Variants in ALG9 observed in about 807,000 individuals in gnomAD.
ALG9 encodes the protein alpha-1,2-mannosyltransferase ALG9.
A neutral mutation model predicts 81.8 loss-of-function variants in ALG9; 55 were observed. The observed-to-expected ratio is 0.67, with a 90% confidence interval of 0.54 to 0.84. The LOEUF is 0.84. Ranked by LOEUF, ALG9 falls within the 40% of genes least tolerant of loss-of-function variation. ALG9 has a pLI of 0.00. For missense variants in ALG9, 629 were observed against 745.0 expected, an observed-to-expected ratio of 0.84 and a Z score of 1.81; for synonymous variants, 278 against 274.3, an observed-to-expected ratio of 1.01 and a Z score of -0.13.
intron 14 of ALG9, among the ~76,000 whole-genome samples, chr11:111,804,521 T>A (rs919954051): frequency 6.6e-6 from 1 of 151,908 alleles, no homozygotes; most frequent in Non-Finnish European, 1.5e-5. Context: ...AGCCCAGGAG[T>A]TAGAGGTTAC....
intron 14 of ALG9, among the ~76,000 whole-genome samples, chr11:111,796,479 C>A (rs921494376): frequency 2.0e-5 from 3 of 152,114 alleles, no homozygotes; most frequent in Non-Finnish European, 4.4e-5. Context: ...GAACTCATTT[C>A]ACAACAATGG....
intron 4 of ALG9, among the ~76,000 whole-genome samples, 152 bp from the exon 5 acceptor site, chr11:111,860,787 A>C (rs1302758640): frequency 2.0e-5 from 3 of 152,250 alleles, no homozygotes; most frequent in African/African-American, 7.2e-5. Flanking sequence ...ACTGTGCATA[A>C]GAAACCCAAA....
chr11:111,868,601 C>A lies in ALG9; in HGVS notation c.405+1G>T. On this transcript the variant is annotated splice_donor_variant, in intron 3 of 14. Coordinates refer to ENST00000616540, the MANE Select transcript of ALG9 (RefSeq NM_024740.2). LOFTEE classifies it high-confidence loss of function. ...TTGCTTCCAGGTTGGTCTGCCCTTA[C>A]CTTATTAGTTTGTAGAATTCTTGCA... 6.2e-7 allele frequency: 1 copy of A among 1,613,868 alleles called. No homozygotes were observed. Among genetic ancestry groups the A allele is most frequent in the South Asian group, 1.1e-5 (1 of 91,070 alleles).
At position 111,857,625 on chromosome 11, in the gene ALG9, G is replaced by C. The variant is rs1555144303; in HGVS notation, c.678C>G (p.Gly226=). Reference sequence around the variant, plus strand: ...ACCCAAGAGCTGCACTGAATGGCCAGCCTAAGATAGCCCCAGCTGCTACTC... The same window carrying C: ...ACCCAAGAGCTGCACTGAATGGCCACCCTAAGATAGCCCCAGCTGCTACTC... The part of the protein sequence containing the change: ...VLGVAAGAIL[G]WPFSAALGLP... Residue 226 remains glycine, a synonymous_variant, in exon 6 of 15, where the codon GGC becomes GGG. Transcript: ENST00000616540. The C allele has an allele frequency of 6.2e-7, 1 of 1,614,164 alleles. No homozygotes were observed. Among genetic ancestry groups the C allele is most frequent in the Admixed American group, 1.7e-5 (1 of 60,028 alleles).
chr11:111,775,818 A>G, the ALG9 span, among the ~76,000 whole-genome samples: 938 of 152,326 alleles, frequency 6.2e-3, 16 homozygotes, highest in Non-Finnish European at 4.7e-3. Context: ...TCATCCAAAA[A>G]AGACTGTAGA....
downstream of ALG9, among the ~76,000 whole-genome samples, chr11:111,780,683 C>T (rs1420044291): frequency 1.3e-5 from 2 of 152,290 alleles, no homozygotes; most frequent in African/African-American, 2.4e-5. Flanking sequence ...AAGCATGAGC[C>T]ACCATGTCCG....
At chr11:111,867,846 T>C (rs1962997235) in intron 3 of ALG9, among the ~76,000 whole-genome samples, 1 of 152,208 alleles carries the variant, frequency 6.6e-6, no homozygotes. Flanking sequence ...TTGATACTAC[T>C]TCCCACTAAC....
At chr11:111,865,446 G>A (rs1555152010) in intron 3 of ALG9, among the ~76,000 whole-genome samples, 195 bp from the exon 4 acceptor site, 1 of 152,172 alleles carries the variant, frequency 6.6e-6, no homozygotes, top group African/African-American at 2.4e-5. Flanking sequence ...CAGCTGGTGG[G>A]GGTTGGGAGG....
intron 13 of ALG9, among the ~76,000 whole-genome samples, chr11:111,830,709 C>CA (rs1355534283): frequency 1.3e-5 from 2 of 151,516 alleles, no homozygotes; most frequent in Admixed American, 1.3e-4. Context: ...TAAGGACTTC[C>CA]AAAAAGGGCA....
intron 14 of ALG9, among the ~76,000 whole-genome samples, chr11:111,808,210 A>C (rs1239558501): frequency 7.9e-5 from 12 of 152,156 alleles, no homozygotes; most frequent in Admixed American, 7.9e-4. Flanking sequence ...GTGGCTCAAG[A>C]GCCTACATTT....
In ALG9 at chr11:111,844,671, T is replaced by C; in HGVS notation, c.948A>G (p.Val316=). The C allele has an allele frequency of 6.2e-7, 1 of 1,614,042 alleles. No homozygotes were observed. Among genetic ancestry groups the C allele is most frequent in the Non-Finnish European group, 8.5e-7 (1 of 1,179,920 alleles). Residue 316 remains valine, a synonymous_variant, in exon 9 of 15, where the codon GTA becomes GTG. Coordinates refer to ENST00000616540, the MANE Select transcript of ALG9 (RefSeq NM_024740.2). Reference sequence around the variant, plus strand: ...GGACTAGGAGAGCCAAAGCAAAGGCTACATTGAAATTCAGAAATCCATTAA... The same window carrying C: ...GGACTAGGAGAGCCAAAGCAAAGGCCACATTGAAATTCAGAAATCCATTAA... The part of the protein sequence containing the change: ...YLINGFLNFN[V]AFALALLVLP...
At chr11:111,828,155 C>T (rs1183428891) in intron 13 of ALG9, among the ~76,000 whole-genome samples, 9 of 152,154 alleles carry the variant, frequency 5.9e-5, no homozygotes, top group South Asian at 2.1e-4. Flanking sequence ...GATTGCGCCA[C>T]TGCACTCCAG....
At chr11:111,818,175 G>C (rs1381132464) in intron 13 of ALG9, among the ~76,000 whole-genome samples, 4 of 152,230 alleles carry the variant, frequency 2.6e-5, no homozygotes, top group Admixed American at 6.5e-5. Context: ...ATTGAGGAAA[G>C]ATGATAACTT....
intron 9 of ALG9, among the ~76,000 whole-genome samples, chr11:111,844,161 T>C (rs1000743586): frequency 1.1e-4 from 16 of 152,094 alleles, no homozygotes; most frequent in Admixed American, 4.6e-4. Flanking sequence ...TCCACCACCA[T>C]GTCTGGCTAA....
At chr11:111,823,716 T>C (rs1192361306) in intron 13 of ALG9, among the ~76,000 whole-genome samples, 1 of 152,242 alleles carries the variant, frequency 6.6e-6, no homozygotes, top group Non-Finnish European at 1.5e-5. Flanking sequence ...ACATGTCTTA[T>C]CTACAGAGCC....
In ALG9 at chr11:111,814,360, G is replaced by A. The variant is rs1951170881; in HGVS notation, c.1603-4587C>T. ...GAAAAGCAAGAAAATCATTACCACA[G>A]GAGTCAGGAGACTCCCTCAGAACAG... On this transcript the variant is annotated intron_variant, in intron 13 of 14. Transcript: ENST00000616540. Among the ~76,000 whole-genome samples, 2 of 152,148 alleles carry A rather than the reference G, an allele frequency of 1.3e-5. 1 individual carries two copies. Among genetic ancestry groups the A allele is most frequent in the South Asian group, 4.1e-4 (2 of 4,836 alleles).
intron 13 of ALG9, among the ~76,000 whole-genome samples, chr11:111,818,679 T>C (rs1461548816): frequency 2.0e-5 from 3 of 152,172 alleles, no homozygotes; most frequent in Non-Finnish European, 4.4e-5. Context: ...ACAATTATAT[T>C]CTATTAATTA....
At position 111,857,875 on chromosome 11, in the gene ALG9, T is replaced by G. The variant is rs1333177513; in HGVS notation, c.566-138A>C. 1.7e-5 allele frequency: 16 copies of G among 956,972 alleles called. No individual in the cohort carries two copies. The East Asian group carries it at 2.7e-4, about 16-fold the overall frequency. The allele number at this position is 956,972 out of a possible 1,614,324, so 59.3% of individuals were successfully genotyped here. On this transcript the variant is annotated intron_variant, in intron 5 of 14. Transcript: ENST00000616540. ...GTACATAATTGGGGAAATGCTATAT[T>G]AGAAAGGACAGCAAAGTGATATTCT...
intron 5 of ALG9, 55 bp downstream of exon 5, chr11:111,860,491 GC>G (rs2137145481): frequency 7.1e-7 from 1 of 1,410,046 alleles, no homozygotes; most frequent in African/African-American, 1.4e-5. Context: ...TCCCTCATCT[GC>G]CCTTTTACTT....
Sources: allele counts gnomAD v4.1 joint callset (sites outside exome capture counted in the v4.1 genomes callset), GRCh38; gene constraint gnomAD v4.1.1; transcripts MANE v1.5; gene names NCBI Gene and HGNC (gene_info 2026-07-23, HGNC 2026-07-21).